METTL24: variants seen among roughly 807,000 people sequenced by gnomAD.
METTL24 encodes the protein probable methyltransferase-like protein 24.
A neutral mutation model predicts 32.7 loss-of-function variants in METTL24; 29 were observed. The ratio of observed to expected loss-of-function variants is 0.89; its 90% CI spans 0.66 to 1.21. The LOEUF (loss-of-function observed/expected upper bound fraction) is 1.21. METTL24 is among the 50% of genes most tolerant of loss of function. The pLI, the probability that METTL24 is intolerant of heterozygous loss-of-function variation, is 0.00. For missense variants in METTL24, 439 were observed against 468.1 expected, an observed-to-expected ratio of 0.94 and a Z score of 0.57; for synonymous variants, 163 against 179.5, an observed-to-expected ratio of 0.91 and a Z score of 0.73.
chr6:110,267,997 C>T (rs968834211), intron 4 of METTL24, among the ~76,000 whole-genome samples: 3 of 152,162 alleles, frequency 2.0e-5, no homozygotes, highest in Non-Finnish European at 2.9e-5. Flanking sequence ...ATGATCCAAA[C>T]GCCTCACACC....
At chr6:110,327,590 T>C (rs1301827124) in intron 1 of METTL24, among the ~76,000 whole-genome samples, 1 of 152,196 alleles carries the variant, frequency 6.6e-6, no homozygotes, top group Non-Finnish European at 1.5e-5. Context: ...CATAAAGCAA[T>C]GTTCTTATTG....
At chr6:110,278,700 A>G (rs1431643539) in intron 4 of METTL24, among the ~76,000 whole-genome samples, 2 of 152,330 alleles carry the variant, frequency 1.3e-5, no homozygotes, top group South Asian at 4.1e-4. Context: ...TTATAAGAGA[A>G]CAGATTCATA....
At chr6:110,326,934 C>T (rs1482171441) in intron 1 of METTL24, among the ~76,000 whole-genome samples, 3 of 152,222 alleles carry the variant, frequency 2.0e-5, no homozygotes, top group Admixed American at 2.0e-4. Flanking sequence ...TGGAAGGCTT[C>T]TTGTTCCAGC....
chr6:110,323,520 G>C (rs1466218150), intron 1 of METTL24, among the ~76,000 whole-genome samples: 1 of 152,162 alleles, frequency 6.6e-6, no homozygotes, highest in Non-Finnish European at 1.5e-5. Context: ...GAGTGGTTAA[G>C]GATGACCCGC....
intron 4 of METTL24, among the ~76,000 whole-genome samples, chr6:110,289,296 T>C (rs1287901941): frequency 3.3e-5 from 5 of 152,192 alleles, no homozygotes; most frequent in Admixed American, 3.3e-4. Flanking sequence ...ACTAATTTTA[T>C]TGAAAAATCT....
chr6:110,245,593 C>T lies in METTL24; in HGVS notation c.*353G>A, dbSNP rs1273798118. On this transcript the variant is annotated 3_prime_UTR_variant, in exon 5 of 5. Transcript: ENST00000338882. ...GTAGGGGAAGAACTTAAAAATCTCA[C>T]CAACCTAGTAAAAATAGGAAATTTA... Among the ~76,000 whole-genome samples, 1 of 152,124 alleles carries T rather than the reference C, an allele frequency of 6.6e-6. No individual in the cohort carries two copies. The highest frequency in any genetic ancestry group is 1.5e-5 in the Non-Finnish European group (1 of 68,020).
intron 3 of METTL24, among the ~76,000 whole-genome samples, chr6:110,312,090 T>C (rs922238120): frequency 2.6e-5 from 4 of 152,176 alleles, no homozygotes; most frequent in African/African-American, 9.7e-5. Context: ...TGAATAAATA[T>C]ATGAAAAACT....
rs1181436906 is a variant in METTL24, at chr6:110,315,519, G to A, written c.418-38C>T. 3.7e-6 allele frequency: 6 copies of A among 1,609,614 alleles called. No individual in the cohort carries two copies. In the South Asian group the frequency reaches 4.4e-5, roughly 12 times the overall value. On this transcript the variant is annotated intron_variant, in intron 2 of 4. Coordinates refer to ENST00000338882, the MANE Select transcript of METTL24 (RefSeq NM_001123364.3). ...GAAATCAATGTGAATAATTTGAAAT[G>A]TTGGATGATAAATAGCAGGTAGGGA...
intron 1 of METTL24, among the ~76,000 whole-genome samples, chr6:110,336,417 T>C (rs903858516): frequency 5.3e-5 from 8 of 152,208 alleles, no homozygotes; most frequent in African/African-American, 1.9e-4. Flanking sequence ...TCCTGATTCA[T>C]GCAAGCACCT....
intron 3 of METTL24, among the ~76,000 whole-genome samples, chr6:110,304,350 G>A (rs746735514): frequency 6.6e-6 from 1 of 152,156 alleles, no homozygotes; most frequent in African/African-American, 2.4e-5. Context: ...GCTTCAGAAG[G>A]TGGGTAATAA....
intron 4 of METTL24, among the ~76,000 whole-genome samples, chr6:110,276,693 C>G (rs1456843115): frequency 1.3e-5 from 2 of 152,128 alleles, no homozygotes; most frequent in Admixed American, 6.6e-5. Flanking sequence ...GGACCTCCCC[C>G]CATTTCTGAA....
chr6:110,345,072 A>C (rs557698820), intron 1 of METTL24, among the ~76,000 whole-genome samples: 1 of 152,358 alleles, frequency 6.6e-6, no homozygotes, highest in Non-Finnish European at 1.5e-5. Flanking sequence ...TGAGGAACTT[A>C]CATTTATAAG....
At chr6:110,310,258 C>A (rs1332023038) in intron 3 of METTL24, among the ~76,000 whole-genome samples, 1 of 152,156 alleles carries the variant, frequency 6.6e-6, no homozygotes, top group African/African-American at 2.4e-5. Context: ...AAGGCACAAC[C>A]TACTACAAAA....
intron 1 of METTL24, among the ~76,000 whole-genome samples, chr6:110,353,715 T>C (rs1772654675): frequency 1.3e-5 from 2 of 152,068 alleles, no homozygotes; most frequent in African/African-American, 2.4e-5. Flanking sequence ...GAGATGAAAC[T>C]TTTTCGGGAA....
rs547187598 is a variant in METTL24, at chr6:110,258,303, A to T, written c.787-12043T>A. The stretch of plus-strand genomic sequence containing the variant: ...CAAGAAATATACAGAAGTATCTCAA[A>T]CATGATAGCCAAAAGCCATCTATAT... On this transcript the variant is annotated intron_variant, in intron 4 of 4. Coordinates refer to ENST00000338882, the MANE Select transcript of METTL24 (RefSeq NM_001123364.3). Among the ~76,000 whole-genome samples the T allele has an allele frequency of 1.2e-3, 186 of 152,378 alleles. 2 individuals carry two copies. Among genetic ancestry groups the T allele is most frequent in the Middle Eastern group, 3.4e-3 (1 of 294 alleles).
intron 4 of METTL24, among the ~76,000 whole-genome samples, chr6:110,251,201 TG>T (rs1223574702): frequency 2.6e-5 from 4 of 152,206 alleles, no homozygotes; most frequent in African/African-American, 9.6e-5. Flanking sequence ...AAGTTATTCA[TG>T]GCTAAATTTG....
intron 4 of METTL24, among the ~76,000 whole-genome samples, chr6:110,247,006 C>T (rs1168812387): frequency 6.7e-6 from 1 of 149,822 alleles, no homozygotes; most frequent in Non-Finnish European, 1.5e-5. Context: ...CACAAGTTCA[C>T]ATTCAAGTGA....
At chr6:110,278,744 G>A (rs1245450583) in intron 4 of METTL24, among the ~76,000 whole-genome samples, 1 of 152,136 alleles carries the variant, frequency 6.6e-6, no homozygotes, top group Non-Finnish European at 1.5e-5. Flanking sequence ...AAAACAGGCT[G>A]TTCATGGTGG....
At position 110,259,997 on chromosome 6, in the gene METTL24, A is replaced by C. The variant is rs988077354; in HGVS notation, c.787-13737T>G. On this transcript the variant is annotated intron_variant, in intron 4 of 4. Coordinates refer to ENST00000338882, the MANE Select transcript of METTL24 (RefSeq NM_001123364.3). ...CATCATCAAAGACCAAAGGTAGATA[A>C]AACCACAAAGATGGGGAAAAAACAG... 1.1e-4 allele frequency among the ~76,000 whole-genome samples: 17 copies of C among 152,196 alleles called. 1 individual carries two copies. Among genetic ancestry groups the C allele is most frequent in the African/African-American group, 3.4e-4 (14 of 41,458 alleles).
Sources: allele counts gnomAD v4.1 joint callset (sites outside exome capture counted in the v4.1 genomes callset), GRCh38; gene constraint gnomAD v4.1.1; transcripts MANE v1.5; gene names NCBI Gene and HGNC (gene_info 2026-07-23, HGNC 2026-07-21).